DMD: variants seen among roughly 807,000 people sequenced by gnomAD.
DMD encodes mutant dystrophin.
In DMD, 63 loss-of-function variants were observed where a neutral mutation model predicts 330.1. The ratio of observed to expected loss-of-function variants is 0.19; its 90% CI spans 0.16 to 0.24. The LOEUF is 0.24. DMD is among the 10% of genes least tolerant of loss of function. DMD has a pLI of 1.00. For missense variants in DMD, 3,344 were observed against 2,684.1 expected (o/e 1.25, Z -5.43); for synonymous variants, 1,223 against 959.8 (o/e 1.27, Z -5.07).
intron 62 of DMD, among the ~76,000 whole-genome samples, chrX:31,269,451 A>T (rs2051443245): frequency 9.0e-6 from 1 of 111,512 alleles, no homozygotes; most frequent in Non-Finnish European, 1.9e-5. Context: ...TGACTTCAGA[A>T]TCAGCCATGA....
chrX:32,712,619 C>A (rs2147796544), intron 7 of DMD, among the ~76,000 whole-genome samples: 1 of 110,496 alleles, frequency 9.1e-6, no homozygotes, highest in Non-Finnish European at 1.9e-5. Flanking sequence ...TCTAATTTTC[C>A]CAAGTGAATG....
intron 44 of DMD, among the ~76,000 whole-genome samples, chrX:32,074,702 T>C (rs1246794176): frequency 2.3e-5 from 2 of 86,031 alleles, no homozygotes; most frequent in South Asian, 6.2e-4. Context: ...AAATATTTAC[T>C]AACTAGCCCT....
intron 13 of DMD, among the ~76,000 whole-genome samples, chrX:32,580,064 C>T (rs1241169617): frequency 9.2e-6 from 1 of 108,275 alleles, no homozygotes; most frequent in East Asian, 2.9e-4. Flanking sequence ...CAGCTCCCAC[C>T]AGTCTGTTCA....
intron 61 of DMD, among the ~76,000 whole-genome samples, chrX:31,339,689 C>A (rs777646545): frequency 2.1e-4 from 23 of 111,881 alleles, no homozygotes; most frequent in Non-Finnish European, 4.3e-4. Context: ...GATTCTCCTG[C>A]CTCAGCCTCT....
intron 1 of DMD, among the ~76,000 whole-genome samples, chrX:33,026,000 G>A (rs1188160169): frequency 1.8e-5 from 2 of 111,604 alleles, no homozygotes; most frequent in Admixed American, 9.5e-5. Context: ...AGAAACTCAC[G>A]TAGTGAAGAA....
intron 44 of DMD, among the ~76,000 whole-genome samples, chrX:32,046,945 T>A (rs777909181): frequency 9.0e-6 from 1 of 111,689 alleles, no homozygotes; most frequent in Admixed American, 9.5e-5. Flanking sequence ...CTCTACTCTT[T>A]GTTTTTTACA....
chrX:32,183,553 A>AATAT (rs988760643), intron 44 of DMD, among the ~76,000 whole-genome samples: 15 of 83,984 alleles, frequency 1.8e-4, no homozygotes, highest in African/African-American at 5.4e-4. Flanking sequence ...CAGCTACACA[A>AATAT]ATATATATAT....
At chrX:31,332,739 G>A (rs1053562742) in intron 61 of DMD, among the ~76,000 whole-genome samples, 2 of 112,157 alleles carry the variant, frequency 1.8e-5, no homozygotes, top group African/African-American at 3.2e-5. Context: ...TTATTTTAAA[G>A]GTTGGTGTGA....
At chrX:32,350,608 C>G (rs1419623596) in intron 37 of DMD, among the ~76,000 whole-genome samples, 1 of 111,491 alleles carries the variant, frequency 9.0e-6, no homozygotes, top group African/African-American at 3.2e-5. Context: ...AAAACTAAGG[C>G]AATAAGCTTT....
chrX:33,010,210 G>A (rs9698932), intron 2 of DMD, among the ~76,000 whole-genome samples: 10,311 of 46,783 alleles, frequency 0.22, 844 homozygotes, highest in East Asian at 0.42. Context: ...ATATGTGTGT[G>A]TATATGTACA....
chrX:32,062,456 A>G (rs1383652598), intron 44 of DMD, among the ~76,000 whole-genome samples: 2 of 110,763 alleles, frequency 1.8e-5, no homozygotes, highest in East Asian at 2.8e-4. Flanking sequence ...AAAATTCTAT[A>G]TATGTTATAT....
At chrX:32,843,146 A>G (rs2148972494) in intron 4 of DMD, among the ~76,000 whole-genome samples, 1 of 111,763 alleles carries the variant, frequency 8.9e-6, no homozygotes, top group East Asian at 2.8e-4. Flanking sequence ...GTTTTACAGG[A>G]TATCCCAAAG....
intron 9 of DMD, among the ~76,000 whole-genome samples, chrX:32,658,751 T>G (rs2060753980): frequency 2.7e-5 from 3 of 111,134 alleles, no homozygotes; most frequent in Admixed American, 1.9e-4. Context: ...CTACCTCCAT[T>G]GCTGTATATA....
At chrX:32,474,317 C>T (rs1199077329) in intron 21 of DMD, among the ~76,000 whole-genome samples, 1 of 111,497 alleles carries the variant, frequency 9.0e-6, no homozygotes, top group Non-Finnish European at 1.9e-5. Flanking sequence ...AACTGTGCTG[C>T]TATAAACATG....
intron 2 of DMD, among the ~76,000 whole-genome samples, chrX:32,931,665 T>A (rs901831774): frequency 9.0e-6 from 1 of 111,415 alleles, no homozygotes; most frequent in African/African-American, 3.3e-5. Flanking sequence ...TGATTTAAAG[T>A]TAATTTTATA....
chrX:32,705,298 G>C, intron 7 of DMD, among the ~76,000 whole-genome samples: 1 of 111,910 alleles, frequency 8.9e-6, no homozygotes, highest in East Asian at 2.8e-4. Flanking sequence ...TAGTAACAAT[G>C]CTTCTCATTA....
intron 44 of DMD, among the ~76,000 whole-genome samples, chrX:32,017,741 G>A (rs191182300): frequency 1.8e-5 from 2 of 111,700 alleles, no homozygotes; most frequent in East Asian, 5.7e-4. Context: ...ATCTCCCTCT[G>A]TTTTGTTGCA....
chrX:33,286,266 G>C (rs1022632323), intron 1 of DMD, among the ~76,000 whole-genome samples: 20 of 111,441 alleles, frequency 1.8e-4, no homozygotes, highest in African/African-American at 6.5e-4. Context: ...AAATAATGTA[G>C]ATGTTATATC....
intron 55 of DMD, among the ~76,000 whole-genome samples, chrX:31,520,781 G>A (rs756669838): frequency 9.1e-5 from 10 of 110,101 alleles, no homozygotes; most frequent in East Asian, 8.7e-4. Flanking sequence ...CCGGGTTCAC[G>A]CCATTCTCCT....
Sources: allele counts gnomAD v4.1 joint callset (sites outside exome capture counted in the v4.1 genomes callset), GRCh38; gene constraint gnomAD v4.1.1; transcripts MANE v1.5; gene names NCBI Gene and HGNC (gene_info 2026-07-23, HGNC 2026-07-21).